Variants in RYR2 observed in about 807,000 individuals in gnomAD.
RYR2 encodes ryanodine receptor 2.
A neutral mutation model predicts 601.1 loss-of-function variants in RYR2; 227 were observed. The observed-to-expected ratio is 0.38, with a 90% confidence interval of 0.34 to 0.42. RYR2 has a LOEUF of 0.42. Among genes scored for constraint, RYR2 ranks in the 10% least tolerant of loss-of-function variants. The pLI is 1.00. For missense variants in RYR2, 4,646 were observed against 6,156.5 expected, an observed-to-expected ratio of 0.75 and a Z score of 8.21; for synonymous variants, 2,223 against 2,175.1, an observed-to-expected ratio of 1.02 and a Z score of -0.61.
At chr1:237,674,282 A>T in intron 59 of RYR2, 63 bp downstream of exon 59, 2 of 1,253,592 alleles carry the variant, frequency 1.6e-6, no homozygotes, top group Non-Finnish European at 2.3e-6. Flanking sequence ...AAATATCTCC[A>T]TCATATTTAA....
chr1:237,622,454 A>G (rs1679174201), intron 38 of RYR2, among the ~76,000 whole-genome samples: 1 of 152,238 alleles, frequency 6.6e-6, no homozygotes, highest in Non-Finnish European at 1.5e-5. Flanking sequence ...AAAATATTTT[A>G]TAAAATTTCC....
At chr1:237,262,245 G>GTTTTTTTTGTTTTTTTT (rs1688601305) in intron 1 of RYR2, among the ~76,000 whole-genome samples, 1 of 61,106 alleles carries the variant, frequency 1.6e-5, no homozygotes, top group Non-Finnish European at 2.8e-5. Context: ...GTTCTAAAGA[G>GTTTTTTTTGTTTTTTTT]TTTTTTTTTT....
At chr1:237,635,127 T>C in intron 44 of RYR2, 135 bp downstream of exon 44, 1 of 593,740 alleles carries the variant, frequency 1.7e-6, no homozygotes, top group Non-Finnish European at 2.9e-6. Flanking sequence ...AAAACCGCAA[T>C]TAATTTTGCA....
chr1:237,066,027 G>C (rs969903516), intron 1 of RYR2, among the ~76,000 whole-genome samples: 3 of 152,188 alleles, frequency 2.0e-5, no homozygotes, highest in Non-Finnish European at 4.4e-5. Flanking sequence ...CTCCAACATT[G>C]GGGATTACAA....
chr1:237,830,809 G>A (rs1200491273), intron 103 of RYR2, among the ~76,000 whole-genome samples, 179 bp downstream of exon 103: 1 of 152,214 alleles, frequency 6.6e-6, no homozygotes, highest in Non-Finnish European at 1.5e-5. Flanking sequence ...GACTTAAGAG[G>A]TTAAGTTGCA....
chr1:237,208,157 G>A (rs943320261), intron 1 of RYR2, among the ~76,000 whole-genome samples: 17 of 152,178 alleles, frequency 1.1e-4, no homozygotes, highest in South Asian at 2.1e-4. Flanking sequence ...AATTGTTTTC[G>A]TCTGAATGAA....
intron 27 of RYR2, among the ~76,000 whole-genome samples, chr1:237,558,490 G>C (rs1280449308): frequency 6.6e-6 from 1 of 152,016 alleles, no homozygotes; most frequent in African/African-American, 2.4e-5. Context: ...TCTTTTGGAG[G>C]GTCCCTTGTA....
intron 28 of RYR2, among the ~76,000 whole-genome samples, chr1:237,567,228 A>T (rs982732403): frequency 6.6e-6 from 1 of 152,176 alleles, no homozygotes; most frequent in African/African-American, 2.4e-5. Context: ...GAAGCTGGTC[A>T]GGTGTTTATT....
Position 237,783,873 on chromosome 1 carries a change from G to A in RYR2, c.12161G>A (p.Ser4054Asn). ...AGGGACTTCCACAAAGCGATGGAGAGCCATAAGCACTACACGCAGTCAGAA... is the reference window on the plus strand; with the variant it reads ...AGGGACTTCCACAAAGCGATGGAGAACCATAAGCACTACACGCAGTCAGAA... ...SKRDFHKAMESHKHYTQSETE... is the reference protein window; with the variant it reads ...SKRDFHKAMENHKHYTQSETE... The change falls in exon 90 of 105, where the codon AGC becomes AAC. Residue 4054 changes from serine to asparagine, a missense_variant. By Grantham distance (46) the Ser-to-Asn change is conservative. Transcript: ENST00000366574. 1 of 1,613,784 alleles carries A rather than the reference G, an allele frequency of 6.2e-7. No homozygotes were observed. Among genetic ancestry groups the A allele is most frequent in the East Asian group, 2.2e-5 (1 of 44,840 alleles).
At chr1:237,411,566 C>T (rs1287723269) in intron 10 of RYR2, among the ~76,000 whole-genome samples, 1 of 152,020 alleles carries the variant, frequency 6.6e-6, no homozygotes, top group Non-Finnish European at 1.5e-5. Context: ...TGATCATCAC[C>T]ATCACCATCT....
At chr1:237,312,961 T>G (rs1006873399) in intron 2 of RYR2, among the ~76,000 whole-genome samples, 16 of 152,178 alleles carry the variant, frequency 1.1e-4, no homozygotes, top group African/African-American at 3.9e-4. Flanking sequence ...TAGACTGAAC[T>G]TGAAGCCAGT....
chr1:237,448,283 T>C (rs938129767), intron 14 of RYR2, among the ~76,000 whole-genome samples: 1 of 152,142 alleles, frequency 6.6e-6, no homozygotes, highest in Non-Finnish European at 1.5e-5. Context: ...ATAGATTTTT[T>C]CAGTTTCCAA....
chr1:237,296,360 A>T (rs1278219556), intron 2 of RYR2, among the ~76,000 whole-genome samples: 2 of 152,166 alleles, frequency 1.3e-5, no homozygotes, highest in Non-Finnish European at 2.9e-5. Flanking sequence ...AAATAATTTT[A>T]CTCCATGAAG....
At chr1:237,661,973 CATT>C (rs1683845299) in intron 56 of RYR2, among the ~76,000 whole-genome samples, 1 of 151,976 alleles carries the variant, frequency 6.6e-6, no homozygotes, top group Admixed American at 6.6e-5. Flanking sequence ...CTAAATCTGT[CATT>C]ATTCTTTTCC....
At chr1:237,280,521 T>C (rs1014472999) in intron 2 of RYR2, among the ~76,000 whole-genome samples, 2 of 152,170 alleles carry the variant, frequency 1.3e-5, no homozygotes, top group Non-Finnish European at 2.9e-5. Flanking sequence ...ATGTTTCAGT[T>C]ATATAATATT....
At chr1:237,463,378 A>T (rs1659700774) in intron 16 of RYR2, among the ~76,000 whole-genome samples, 1 of 152,174 alleles carries the variant, frequency 6.6e-6, no homozygotes, top group Non-Finnish European at 1.5e-5. Flanking sequence ...CTTTTAATCT[A>T]AATTTTTCTG....
chr1:237,718,582 A>G, intron 73 of RYR2, 61 bp downstream of exon 73: 3 of 797,624 alleles, frequency 3.8e-6, no homozygotes, highest in South Asian at 3.3e-5. Flanking sequence ...ATCTCTCTTT[A>G]AAATAATACT....
intron 1 of RYR2, among the ~76,000 whole-genome samples, chr1:237,141,553 T>C (rs1202253875): frequency 6.6e-6 from 1 of 152,168 alleles, no homozygotes; most frequent in Non-Finnish European, 1.5e-5. Flanking sequence ...GGGAGTATAA[T>C]GCCTCCCCTG....
At chr1:237,517,969 C>T (rs113257532) in intron 24 of RYR2, among the ~76,000 whole-genome samples, 2,248 of 152,268 alleles carry the variant, frequency 0.015, 21 homozygotes, top group Non-Finnish European at 0.023. Context: ...CTTTCAGTGT[C>T]CTTCTCTTGT....
Sources: gnomAD v4.1 joint callset for allele counts (sites outside exome capture counted in the v4.1 genomes callset) on GRCh38, gnomAD v4.1.1 for gene constraint, MANE v1.5 for transcripts, NCBI Gene and HGNC (gene_info 2026-07-23, HGNC 2026-07-21) for gene names.